The following CUL4A variants were observed in gnomAD, a reference collection of about 807,000 sequenced individuals.
The protein encoded by CUL4A is cullin 4A, also known as cullin-4A.
Under a neutral mutation model 95.5 loss-of-function variants are expected in CUL4A, and 16 were observed. That is an observed-to-expected ratio of 0.17 (90% CI 0.11 to 0.25). The LOEUF (loss-of-function observed/expected upper bound fraction) is 0.25, where lower values mean the gene tolerates loss of function less well. Among genes scored for constraint, CUL4A ranks in the 10% least tolerant of loss-of-function variants. The pLI, the probability that CUL4A is intolerant of heterozygous loss-of-function variation, is 1.00. For synonymous variants in CUL4A, 380 were observed against 353.1 expected (o/e 1.08, Z -0.85); for missense variants, 610 against 937.0 (o/e 0.65, Z 4.56).
chr13:113,236,750 C>T lies in CUL4A; in HGVS notation c.849-73C>T, dbSNP rs546479969. 6.2e-6 allele frequency: 6 copies of T among 973,052 alleles called. No individual in the cohort carries two copies. The African/African-American group carries it at 8.2e-5, about 13-fold the overall frequency. The allele number at this position is 973,052 out of a possible 1,614,324, so 60.3% of individuals were successfully genotyped here. A position where few individuals can be genotyped will look rare whatever the true frequency, so the allele number is the denominator to read the frequency against. Reference sequence around the variant, plus strand: ...GACTGCATCTGTCATAGACAAATGCCCCCATCTTTTGCAGAGAACCAGTCT... The same window carrying T: ...GACTGCATCTGTCATAGACAAATGCTCCCATCTTTTGCAGAGAACCAGTCT... On this transcript the variant is annotated intron_variant, in intron 8 of 19. Transcript: ENST00000375440.
chr13:113,211,180 A>G (rs768506143), intron 2 of CUL4A, among the ~76,000 whole-genome samples: 8 of 152,202 alleles, frequency 5.3e-5, no homozygotes, highest in Middle Eastern at 3.2e-3. Context: ...TTCTGTTACT[A>G]TATTTTGCGA....
At chr13:113,240,831 GAA>G (rs1387157709) in intron 10 of CUL4A, among the ~76,000 whole-genome samples, 1 of 152,084 alleles carries the variant, frequency 6.6e-6, no homozygotes, top group Admixed American at 6.6e-5. Context: ...TGGGCCATGT[GAA>G]AAAGACGGGT....
At chr13:113,240,539 G>T (rs1340404819) in intron 10 of CUL4A, among the ~76,000 whole-genome samples, 1 of 152,170 alleles carries the variant, frequency 6.6e-6, no homozygotes, top group African/African-American at 2.4e-5. Flanking sequence ...TTGCTTGCTG[G>T]TGACTATTCT....
chr13:113,211,677 G>A (rs1272173170), intron 2 of CUL4A, among the ~76,000 whole-genome samples: 1 of 152,128 alleles, frequency 6.6e-6, no homozygotes, highest in Non-Finnish European at 1.5e-5. Flanking sequence ...AAGCCACCGC[G>A]CCTGGCCTTG....
intron 2 of CUL4A, 41 bp downstream of exon 2, chr13:113,210,129 G>A (rs1322990794): frequency 7.4e-7 from 1 of 1,352,092 alleles, no homozygotes; most frequent in Non-Finnish European, 9.7e-7. Context: ...CTCCTGCCCC[G>A]CGTGACGCAG....
At chr13:113,214,255 TC>T (rs2040561797) in intron 2 of CUL4A, among the ~76,000 whole-genome samples, 1 of 152,186 alleles carries the variant, frequency 6.6e-6, no homozygotes, top group South Asian at 2.1e-4. Flanking sequence ...ATCATTTTCC[TC>T]CTGTAGTGTG....
chr13:113,254,549 T>G, intron 16 of CUL4A, 144 bp from the exon 17 acceptor site: 2 of 551,290 alleles, frequency 3.6e-6, no homozygotes, highest in Non-Finnish European at 3.2e-6. Flanking sequence ...GAGCTGAGAT[T>G]GTGCCACTGC....
intron 10 of CUL4A, among the ~76,000 whole-genome samples, chr13:113,242,140 C>A (rs1372970352): frequency 2.6e-5 from 4 of 152,062 alleles, no homozygotes; most frequent in Admixed American, 2.6e-4. Context: ...CATGGTGAAA[C>A]CCCGTCTCTA....
intron 9 of CUL4A, among the ~76,000 whole-genome samples, chr13:113,238,602 A>G (rs2041617532): frequency 6.6e-6 from 1 of 152,224 alleles, no homozygotes; most frequent in Admixed American, 6.5e-5. Flanking sequence ...GATACTTTTG[A>G]ATTCTTAAGA....
At chr13:113,223,389 T>TTTGTTG (rs144868566) in intron 3 of CUL4A, among the ~76,000 whole-genome samples, 2 of 152,122 alleles carry the variant, frequency 1.3e-5, no homozygotes, top group African/African-American at 2.4e-5. Context: ...ATTTAAGTAA[T>TTTGTTG]TTGTTGTTGT....
upstream of CUL4A, chr13:113,208,827 C>T (rs972986902): frequency 1.4e-6 from 2 of 1,408,812 alleles, no homozygotes; most frequent in South Asian, 1.5e-5. Context: ...GTCTTTCTGC[C>T]GGGGCCCCGT....
intron 2 of CUL4A, among the ~76,000 whole-genome samples, chr13:113,211,348 A>G (rs2040435404): frequency 1.3e-5 from 2 of 152,250 alleles, no homozygotes; most frequent in South Asian, 2.1e-4. Context: ...TCCATTCACC[A>G]GTTAATGGAC....
upstream of CUL4A, chr13:113,208,603 T>G: frequency 6.2e-7 from 1 of 1,608,036 alleles, no homozygotes; most frequent in Non-Finnish European, 8.5e-7. Flanking sequence ...ACCCACCTGC[T>G]GCAGGTACTG....
chr13:113,226,583 G>A (rs779896800), intron 3 of CUL4A, among the ~76,000 whole-genome samples: 1 of 152,196 alleles, frequency 6.6e-6, no homozygotes, highest in Non-Finnish European at 1.5e-5. Context: ...TGGGTTCTTT[G>A]TCCTAAACTA....
rs2042034842 is a variant in CUL4A at position 113,253,075 on chromosome 13, T to C, written c.1639-7T>C. 1 of 1,535,136 alleles carries C rather than the reference T, an allele frequency of 6.5e-7. No individual in the cohort carries two copies. The highest frequency in any genetic ancestry group is 2.3e-5 in the East Asian group (1 of 44,096). The stretch of plus-strand genomic sequence containing the variant: ...GCATAATTTTGTTGTTCTCCTATGC[T>C]TAACAGATGATTAAACTTCAGGAAG... On this transcript the variant is annotated splice_polypyrimidine_tract_variant and splice_region_variant and intron_variant, in intron 15 of 19. Transcript: ENST00000375440.
At chr13:113,208,493 T>G, upstream of CUL4A, 1 of 1,543,574 alleles carries the variant, frequency 6.5e-7, no homozygotes. Context: ...GGAAGAAGGG[T>G]GGCGAGGCGG....
intron 11 of CUL4A, 90 bp from the exon 12 acceptor site, chr13:113,244,320 C>T (rs2041800498): frequency 1.1e-6 from 1 of 905,280 alleles, no homozygotes; most frequent in Non-Finnish European, 1.7e-6. Flanking sequence ...TGGGAAGGTT[C>T]CAGAATGTTC....
At chr13:113,260,337 G>T (rs1289111365) in intron 18 of CUL4A, among the ~76,000 whole-genome samples, 2 of 151,610 alleles carry the variant, frequency 1.3e-5, no homozygotes, top group African/African-American at 2.4e-5. Flanking sequence ...GATCATCTGA[G>T]GTCAGGAGTT....
At chr13:113,255,154 T>C (rs1028271369) in intron 18 of CUL4A, 29 bp downstream of exon 18, 10 of 1,537,488 alleles carry the variant, frequency 6.5e-6, no homozygotes, top group Admixed American at 1.8e-5. Context: ...TTTTTACTTA[T>C]AGGGGGTTTA....
Sources: allele counts gnomAD v4.1 joint callset (sites outside exome capture counted in the v4.1 genomes callset), GRCh38; gene constraint gnomAD v4.1.1; transcripts MANE v1.5; gene names NCBI Gene and HGNC (gene_info 2026-07-23, HGNC 2026-07-21).